Variants in CCM2 observed in about 807,000 individuals in gnomAD.
The protein encoded by CCM2 is CCM2 scaffold protein, also known as cerebral cavernous malformations 2 protein.
In CCM2, 25 loss-of-function variants were observed where a neutral mutation model predicts 44.9. The ratio of observed to expected loss-of-function variants is 0.56; its 90% confidence interval spans 0.41 to 0.78. CCM2 has a LOEUF of 0.78. Among genes scored for constraint, CCM2 ranks in the 30% least tolerant of loss-of-function variants. The pLI, the probability that CCM2 is intolerant of heterozygous loss-of-function variation, is 0.00. For synonymous variants in CCM2, 219 were observed against 241.1 expected, an observed-to-expected ratio of 0.91 and a Z score of 0.85; for missense variants, 481 against 580.6, an observed-to-expected ratio of 0.83 and a Z score of 1.76.
chr7:45,064,442 A>T, intron 3 of CCM2, 21 bp from the exon 4 acceptor site: 2 of 1,612,020 alleles, frequency 1.2e-6, no homozygotes, highest in Non-Finnish European at 8.5e-7. Flanking sequence ...TGTATTTCTG[A>T]TGCCCTGTGG....
Position 45,064,653 on chromosome 7 carries a change from G to A in CCM2, c.472+7G>A. The A allele has an allele frequency of 1.9e-6, 3 of 1,613,736 alleles. No individual in the cohort carries two copies. Among genetic ancestry groups the A allele is most frequent in the Non-Finnish European group, 2.5e-6 (3 of 1,180,020 alleles). ...CTGGTGGTCCTGAAGACAGGTACAGGAGGTCAGGGGTCAGGAGGGTCCTTG... is the reference window on the plus strand; with the variant it reads ...CTGGTGGTCCTGAAGACAGGTACAGAAGGTCAGGGGTCAGGAGGGTCCTTG... On this transcript the variant is annotated splice_region_variant and intron_variant, in intron 4 of 9. Coordinates refer to ENST00000258781, the MANE Select transcript of CCM2 (RefSeq NM_031443.4).
At chr7:45,013,030 G>A (rs1796126409) in intron 1 of CCM2, among the ~76,000 whole-genome samples, 2 of 152,022 alleles carry the variant, frequency 1.3e-5, no homozygotes, top group African/African-American at 4.8e-5. Flanking sequence ...CTATCATTTT[G>A]ATATTTGTTT....
chr7:45,074,442 A>C (rs1429230415), intron 9 of CCM2, 34 bp downstream of exon 9: 1 of 1,590,650 alleles, frequency 6.3e-7, no homozygotes, highest in Non-Finnish European at 8.6e-7. Context: ...TGGCTTGTCC[A>C]AACCTGGCTT....
At chr7:45,053,183 C>T (rs1022655163) in intron 2 of CCM2, among the ~76,000 whole-genome samples, 2 of 152,222 alleles carry the variant, frequency 1.3e-5, no homozygotes, top group Non-Finnish European at 2.9e-5. Context: ...TCAAAAACCT[C>T]TGAAGACTTG....
chr7:45,062,478 C>A (rs1386157676), intron 2 of CCM2, among the ~76,000 whole-genome samples: 2 of 152,130 alleles, frequency 1.3e-5, no homozygotes, highest in African/African-American at 4.8e-5. Flanking sequence ...ACCAAAAAAA[C>A]CTTTTTACTA....
At chr7:45,050,206 T>G (rs1387758553) in intron 2 of CCM2, among the ~76,000 whole-genome samples, 2 of 152,266 alleles carry the variant, frequency 1.3e-5, no homozygotes, top group Non-Finnish European at 2.9e-5. Flanking sequence ...ATTAACATGC[T>G]GTACAGGTTG....
chr7:45,002,756 A>C (rs1335424504), intron 1 of CCM2, among the ~76,000 whole-genome samples: 1 of 152,084 alleles, frequency 6.6e-6, no homozygotes, highest in Non-Finnish European at 1.5e-5. Flanking sequence ...GGTTCGTTTA[A>C]CAAATGTCTG....
intron 1 of CCM2, among the ~76,000 whole-genome samples, chr7:45,011,223 TCTCA>T (rs1796054476): frequency 1.3e-5 from 2 of 149,386 alleles, no homozygotes; most frequent in African/African-American, 5.0e-5. Flanking sequence ...TGAGACGGAG[TCTCA>T]CTCTTGTTGC....
intron 6 of CCM2, chr7:45,071,731 C>T (rs1385149820): frequency 4.4e-6 from 2 of 456,440 alleles, no homozygotes; most frequent in African/African-American, 2.0e-5. Context: ...GGCTCATGGC[C>T]CTTCCTCTGT....
chr7:45,025,188 G>A (rs537945323), intron 1 of CCM2, among the ~76,000 whole-genome samples: 3 of 152,154 alleles, frequency 2.0e-5, no homozygotes, highest in South Asian at 2.1e-4. Flanking sequence ...GCAAATTTTC[G>A]TAAATTTTTT....
At chr7:45,040,103 T>TA (rs1026817619) in intron 2 of CCM2, among the ~76,000 whole-genome samples, 66 of 145,896 alleles carry the variant, frequency 4.5e-4, no homozygotes, top group East Asian at 6.3e-4. Flanking sequence ...AAGATAAAAG[T>TA]AAAAAAAAAG....
intron 1 of CCM2, among the ~76,000 whole-genome samples, chr7:45,025,691 C>T (rs1444796537): frequency 2.0e-5 from 3 of 152,244 alleles, no homozygotes; most frequent in East Asian, 1.9e-4. Flanking sequence ...TGCGCCATCA[C>T]GCCCAGCTAA....
At chr7:45,011,532 A>G (rs1332140217) in intron 1 of CCM2, among the ~76,000 whole-genome samples, 2 of 151,142 alleles carry the variant, frequency 1.3e-5, no homozygotes, top group Admixed American at 6.6e-5. Flanking sequence ...TTTATGTTTT[A>G]TTTTTTAATG....
intron 1 of CCM2, among the ~76,000 whole-genome samples, chr7:45,036,277 A>T (rs949423612): frequency 6.6e-6 from 1 of 152,144 alleles, no homozygotes; most frequent in African/African-American, 2.4e-5. Context: ...GAGCTTCCTG[A>T]TTCCATGTCT....
At chr7:45,051,957 G>A (rs189357916) in intron 2 of CCM2, among the ~76,000 whole-genome samples, 10 of 152,218 alleles carry the variant, frequency 6.6e-5, no homozygotes, top group South Asian at 6.2e-4. Flanking sequence ...CACCCGCCTC[G>A]GCCTCCCAAA....
chr7:45,000,467 A>AGGG (rs1795558032), intron 1 of CCM2, 104 bp downstream of exon 1: 1 of 25,736 alleles, frequency 3.9e-5, no homozygotes, highest in African/African-American at 4.2e-4. Flanking sequence ...GGGGGGGGGC[A>AGGG]GTGGGCCAGC....
intron 2 of CCM2, among the ~76,000 whole-genome samples, chr7:45,040,934 G>A (rs536301047): frequency 1.3e-5 from 2 of 152,334 alleles, no homozygotes; most frequent in South Asian, 4.1e-4. Context: ...AGGTTGCAGT[G>A]AGCCGAGATC....
chr7:45,076,173 G>A lies in CCM2; in HGVS notation c.*116G>A. On this transcript the variant is annotated 3_prime_UTR_variant, in exon 10 of 10. Coordinates refer to ENST00000258781, the MANE Select transcript of CCM2 (RefSeq NM_031443.4). ...GGTGGTGGCCAGGGAGAGGCGCCCGGTGCAGATGGCCCCGGGCGGCCCAGG... is the reference window on the plus strand; with the variant it reads ...GGTGGTGGCCAGGGAGAGGCGCCCGATGCAGATGGCCCCGGGCGGCCCAGG... The A allele has an allele frequency of 6.8e-7, 1 of 1,478,022 alleles. No homozygotes were observed. Among genetic ancestry groups the A allele is most frequent in the South Asian group, 1.2e-5 (1 of 84,098 alleles). 91.6% of individuals were successfully genotyped at this position (1,478,022 alleles called of 1,614,324 possible). A position where few individuals can be genotyped will look rare whatever the true frequency, so the allele number is the denominator to read the frequency against.
At chr7:45,049,621 AATTT>A (rs1797910052) in intron 2 of CCM2, among the ~76,000 whole-genome samples, 1 of 152,162 alleles carries the variant, frequency 6.6e-6, no homozygotes, top group Non-Finnish European at 1.5e-5. Context: ...ATACATATTT[AATTT>A]ATTTTCAACT....
Sources: allele counts gnomAD v4.1 joint callset (sites outside exome capture counted in the v4.1 genomes callset), GRCh38; gene constraint gnomAD v4.1.1; transcripts MANE v1.5; gene names NCBI Gene and HGNC (gene_info 2026-07-23, HGNC 2026-07-21).